LMX1A: variants seen among roughly 807,000 people sequenced by gnomAD.
LMX1A encodes LIM homeobox transcription factor 1 alpha.
LMX1A carries 15 observed loss-of-function variants against 49.1 expected under a neutral mutation model. The observed-to-expected ratio is 0.31, with a 90% CI of 0.20 to 0.47. LMX1A has a LOEUF of 0.47. LMX1A is among the 20% of genes least tolerant of loss of function. The probability of loss-of-function intolerance (pLI) is 1.00; values close to 1 mark genes in which losing one functional copy is unlikely to be tolerated. For synonymous variants in LMX1A, 167 were observed against 185.7 expected, an observed-to-expected ratio of 0.90 and a Z score of 0.82; for missense variants, 372 against 475.8, an observed-to-expected ratio of 0.78 and a Z score of 2.03.
chr1:165,253,182 C>A (rs1365072554), intron 3 of LMX1A, among the ~76,000 whole-genome samples: 4 of 152,070 alleles, frequency 2.6e-5, no homozygotes, highest in Non-Finnish European at 5.9e-5. Flanking sequence ...AGAGAGTAAA[C>A]AAACACATAA....
intron 3 of LMX1A, among the ~76,000 whole-genome samples, chr1:165,263,608 C>T (rs1260160306): frequency 6.6e-6 from 1 of 152,244 alleles, no homozygotes. Context: ...CCTCAATGGA[C>T]CACTTGCTTC....
intron 3 of LMX1A, among the ~76,000 whole-genome samples, chr1:165,346,147 C>T (rs1477359161): frequency 2.0e-5 from 3 of 152,190 alleles, no homozygotes; most frequent in South Asian, 4.1e-4. Context: ...GGATAAGGCA[C>T]TCCAATCCAT....
At chr1:165,353,536 A>G (rs1557894288) in intron 2 of LMX1A, among the ~76,000 whole-genome samples, 1 of 152,218 alleles carries the variant, frequency 6.6e-6, no homozygotes, top group Non-Finnish European at 1.5e-5. Flanking sequence ...ATACCCAGGT[A>G]TGCTCGCAAA....
chr1:165,329,163 AAG>A (rs1373695356), intron 3 of LMX1A, among the ~76,000 whole-genome samples: 16 of 152,208 alleles, frequency 1.1e-4, no homozygotes, highest in African/African-American at 3.9e-4. Flanking sequence ...AGGTGAGAGA[AAG>A]AGAGCGTATG....
chr1:165,339,566 C>T (rs1471139303), intron 3 of LMX1A, among the ~76,000 whole-genome samples: 1 of 152,208 alleles, frequency 6.6e-6, no homozygotes, highest in Admixed American at 6.5e-5. Flanking sequence ...CCTCGCTCTA[C>T]TGCCATTCCC....
chr1:165,354,125 G>T (rs1461931791), intron 2 of LMX1A, among the ~76,000 whole-genome samples: 2 of 152,084 alleles, frequency 1.3e-5, no homozygotes, highest in Non-Finnish European at 2.9e-5. Flanking sequence ...ACCTATATTG[G>T]CACTTTTCAC....
chr1:165,239,930 G>T (rs1571170347), intron 4 of LMX1A, among the ~76,000 whole-genome samples: 2 of 152,198 alleles, frequency 1.3e-5, no homozygotes, highest in East Asian at 3.8e-4. Flanking sequence ...TTATTGGCTT[G>T]ACATTTAAGG....
intron 3 of LMX1A, among the ~76,000 whole-genome samples, chr1:165,275,525 C>A (rs538128554): frequency 6.6e-6 from 1 of 152,320 alleles, no homozygotes; most frequent in South Asian, 2.1e-4. Flanking sequence ...TATTCATAGA[C>A]CCTTCCTTCC....
chr1:165,215,919 AGTT>A (rs1233165653), intron 4 of LMX1A: 2 of 152,320 alleles, frequency 1.3e-5, no homozygotes, highest in South Asian at 2.1e-4. Context: ...ACAGAAGTAG[AGTT>A]GTTGTGTGTA....
At chr1:165,287,886 C>T (rs763711639) in intron 3 of LMX1A, among the ~76,000 whole-genome samples, 1 of 152,180 alleles carries the variant, frequency 6.6e-6, no homozygotes, top group East Asian at 1.9e-4. Flanking sequence ...AGGAATGCTG[C>T]TATTGTGTAA....
intron 4 of LMX1A, among the ~76,000 whole-genome samples, chr1:165,236,414 C>A (rs1652445537): frequency 6.6e-6 from 1 of 151,980 alleles, no homozygotes; most frequent in African/African-American, 2.4e-5. Context: ...TCTCCCCCAC[C>A]CCTGCCAGAT....
chr1:165,356,345 C>G lies in LMX1A; in HGVS notation c.-23+10G>C, dbSNP rs529678431. The G allele has an allele frequency of 6.6e-6, 1 of 152,406 alleles. No individual in the cohort carries two copies. Among genetic ancestry groups the G allele is most frequent in the African/African-American group, 2.4e-5 (1 of 41,588 alleles). The allele number at this position is 152,406 out of a possible 1,614,324, so 9.4% of individuals were successfully genotyped here. A position where few individuals can be genotyped will look rare whatever the true frequency, so the allele number is the denominator to read the frequency against. ...CGAGCCACAGCCTAGGCACGGGCAGCCTTACTTACCTGGTAGGCGAGCTCT... is the reference window on the plus strand; with the variant it reads ...CGAGCCACAGCCTAGGCACGGGCAGGCTTACTTACCTGGTAGGCGAGCTCT... On this transcript the variant is annotated intron_variant, in intron 1 of 8. Transcript: ENST00000342310.
At chr1:165,318,895 C>A (rs924769746) in intron 3 of LMX1A, among the ~76,000 whole-genome samples, 1 of 151,834 alleles carries the variant, frequency 6.6e-6, no homozygotes, top group East Asian at 1.9e-4. Context: ...AATCTTGTAA[C>A]GTGGAAGAAA....
intron 4 of LMX1A, among the ~76,000 whole-genome samples, chr1:165,234,722 T>A (rs1195129081): frequency 1.3e-5 from 2 of 152,218 alleles, no homozygotes; most frequent in Non-Finnish European, 2.9e-5. Flanking sequence ...AACTAAAAAC[T>A]AAAGTAATTA....
In LMX1A at chr1:165,205,941, T is replaced by G. The variant is rs766244517; in HGVS notation, c.911A>C (p.Gln304Pro). The change falls in exon 8 of 9, where the codon CAG becomes CCG. Residue 304 changes from glutamine to proline, a missense_variant. This residue lies in a region of LMX1A where 127 missense variants were observed against 138.0 expected (regional missense o/e 0.92). Coordinates refer to ENST00000342310, the MANE Select transcript of LMX1A (RefSeq NM_177398.4). ...GAAGGGATCTGAGCTGTAGACACTC[T>G]GCTCGATGGCCAGGAGCTGCTGTGG... ...PTPQQLLAIE[Q>P]SVYSSDPFRQ... The G allele has an allele frequency of 1.2e-6, 2 of 1,613,990 alleles. No individual in the cohort carries two copies. The highest frequency in any genetic ancestry group is 1.7e-6 in the Non-Finnish European group (2 of 1,179,964).
intron 3 of LMX1A, among the ~76,000 whole-genome samples, chr1:165,272,836 A>C (rs369212510): frequency 4.7e-4 from 71 of 152,330 alleles, no homozygotes; most frequent in African/African-American, 1.7e-3. Context: ...CAAGGCCCTC[A>C]GCCTAGAATG....
At chr1:165,341,504 G>A (rs939657575) in intron 3 of LMX1A, among the ~76,000 whole-genome samples, 12 of 152,090 alleles carry the variant, frequency 7.9e-5, no homozygotes, top group African/African-American at 2.9e-4. Context: ...TTATGGAGAT[G>A]TAGGGATTAT....
chr1:165,242,808 T>C (rs1652701751), intron 4 of LMX1A, among the ~76,000 whole-genome samples: 1 of 151,414 alleles, frequency 6.6e-6, no homozygotes. Flanking sequence ...CGGGTGCCTA[T>C]AGTCCCAGCT....
intron 3 of LMX1A, among the ~76,000 whole-genome samples, chr1:165,276,529 C>T (rs894401543): frequency 1.3e-5 from 2 of 152,154 alleles, no homozygotes; most frequent in Non-Finnish European, 2.9e-5. Context: ...AGTGGCCCTA[C>T]AACCATATGC....
Sources: gnomAD v4.1 joint callset for allele counts (sites outside exome capture counted in the v4.1 genomes callset) on GRCh38, gnomAD v4.1.1 for gene constraint, gnomAD v4.1.1 regional missense constraint, MANE v1.5 for transcripts, NCBI Gene and HGNC (gene_info 2026-07-23, HGNC 2026-07-21) for gene names.